PPM1J: variants seen among roughly 807,000 people sequenced by gnomAD.
The protein encoded by PPM1J is protein phosphatase 1J.
In PPM1J, 43 loss-of-function variants were observed where a neutral mutation model predicts 53.3. The ratio of observed to expected loss-of-function variants is 0.81; its 90% CI spans 0.63 to 1.04. PPM1J has a LOEUF of 1.04. Ranked by LOEUF, PPM1J falls within the 50% of genes least tolerant of loss-of-function variation. PPM1J has a pLI of 0.00. For missense variants in PPM1J, 635 were observed against 685.9 expected (o/e 0.93, Z 0.83); for synonymous variants, 267 against 286.4 (o/e 0.93, Z 0.68).
chr1:112,711,188 C>T (rs1385573443), intron 6 of PPM1J, 78 bp downstream of exon 6: 1 of 1,459,616 alleles, frequency 6.9e-7, no homozygotes, highest in African/African-American at 1.4e-5. Flanking sequence ...CTCCCAGCCT[C>T]CAGCTTCCAC....
At position 112,711,345 on chromosome 1, in the gene PPM1J, GGGTGAATTCACTGCCTA is replaced by G. The variant is rs1328075446; in HGVS notation, c.950_966del (p.Leu317ProfsTer3). 6.2e-7 allele frequency: 1 copy of G among 1,606,342 alleles called. No individual in the cohort carries two copies. Among genetic ancestry groups the G allele is most frequent in the South Asian group, 1.1e-5 (1 of 89,744 alleles). ...AGAACTCTGCGGGGGAACTCAAGGT[GGGTGAATTCACTGCCTA>G]GCAGCTCTGGTTTCAGGAAGCCCTG... On this transcript the variant is annotated frameshift_variant, in exon 6 of 10. Coordinates refer to ENST00000309276, the MANE Select transcript of PPM1J (RefSeq NM_005167.7). LOFTEE classifies it high-confidence loss of function.
intron 1 of PPM1J, among the ~76,000 whole-genome samples, chr1:112,713,861 C>T (rs1426873255): frequency 1.3e-5 from 2 of 151,766 alleles, no homozygotes; most frequent in East Asian, 3.9e-4. Context: ...ATGTCCCCTG[C>T]CTGCCTCACT....
At position 112,710,322 on chromosome 1, in the gene PPM1J, A is replaced by C; in HGVS notation, c.1371-12T>G. The C allele has an allele frequency of 6.2e-7, 1 of 1,613,016 alleles. No homozygotes were observed. The highest frequency in any genetic ancestry group is 8.5e-7 in the Non-Finnish European group (1 of 1,179,646). Reference sequence around the variant, plus strand: ...CCAGAGCTGTATACCTGCCAGGAGCACACATGCACATTCATGTACCAACAT... The same window carrying C: ...CCAGAGCTGTATACCTGCCAGGAGCCCACATGCACATTCATGTACCAACAT... On this transcript the variant is annotated splice_polypyrimidine_tract_variant and intron_variant, in intron 9 of 9. Transcript: ENST00000309276.
In PPM1J at chr1:112,711,958, G is replaced by T; in HGVS notation, c.927+13C>A. On this transcript the variant is annotated intron_variant, in intron 5 of 9. Coordinates refer to ENST00000309276, the MANE Select transcript of PPM1J (RefSeq NM_005167.7). ...GACAAAGAATGGGGGTAGGGAATTT[G>T]GTTCCTACTTACAAGCAGCTGAAGA... 1 of 1,586,738 alleles carries T rather than the reference G, an allele frequency of 6.3e-7. No homozygotes were observed. The highest frequency in any genetic ancestry group is 1.1e-5 in the South Asian group (1 of 88,782).
chr1:112,712,961 C>G lies in PPM1J; in HGVS notation c.512G>C (p.Arg171Pro), dbSNP rs775513026. ...CTCTCGGATATGGCGATGCAGGAGCCGTGAGGCCATTTCAGCAGCTCCGCC... is the reference window on the plus strand; with the variant it reads ...CTCTCGGATATGGCGATGCAGGAGCGGTGAGGCCATTTCAGCAGCTCCGCC... ...AGGGAAEMAS[R>P]LLHRHIREQL... Residue 171 changes from arginine to proline, a missense_variant, in exon 3 of 10, where the codon CGG (arginine) becomes CCG (proline). Physicochemically the swap from Arg to Pro is moderately radical, Grantham distance 103. Coordinates refer to ENST00000309276, the MANE Select transcript of PPM1J (RefSeq NM_005167.7). 1.6e-5 allele frequency: 26 copies of G among 1,613,632 alleles called. No homozygotes were observed. In the South Asian group the frequency reaches 2.1e-4, roughly 13 times the overall value.
rs563746541 is a variant in PPM1J at position 112,711,185 on chromosome 1, C to A, written c.1046+81G>T. The A allele has an allele frequency of 4.7e-5, 69 of 1,457,672 alleles. No homozygotes were observed. The African/African-American group carries it at 9.2e-4, about 19-fold the overall frequency. 90.3% of individuals were successfully genotyped at this position (1,457,672 alleles called of 1,614,324 possible). ...AGGGCCACATCCTCCCAACTCCCAG[C>A]CTCCAGCTTCCACCTTGCTGCGGGC... On this transcript the variant is annotated intron_variant, in intron 6 of 9. Coordinates refer to ENST00000309276, the MANE Select transcript of PPM1J (RefSeq NM_005167.7).
Position 112,715,070 on chromosome 1 carries a change from C to T in PPM1J, c.232G>A (p.Gly78Arg), listed in dbSNP as rs775024040. 46 of 1,550,516 alleles carry T rather than the reference C, an allele frequency of 3.0e-5. No individual in the cohort carries two copies. In the South Asian group the frequency reaches 4.6e-4, roughly 16 times the overall value. Residue 78 changes from glycine to arginine, a missense_variant, in exon 1 of 10, where the codon GGG (glycine) becomes AGG (arginine). By Grantham distance (125) the Gly-to-Arg change is moderately radical (BLOSUM62 -2). Transcript: ENST00000309276. This position sits in a 1 kb window ranked among gnomAD's most constrained non-coding sequence, Gnocchi z 4.4. ...TGGTCATCGGCGCGTCGCAGCCCCC[C>T]GGGGCTCAGCTGCAGAAAGGTCGGT... ...SRPTFLQLSP[G>R]GLRRADDHAG...
Position 112,715,101 on chromosome 1 carries a change from G to A in PPM1J, c.201C>T (p.Phe67=). The change falls in exon 1 of 10, where the codon TTC becomes TTT. Residue 67 remains phenylalanine (F), a synonymous_variant. Coordinates refer to ENST00000309276, the MANE Select transcript of PPM1J (RefSeq NM_005167.7). This position sits in a 1 kb window ranked among gnomAD's most constrained non-coding sequence, Gnocchi z 4.4. The part of the protein sequence containing the change: ...PAKAVEARAS[F]SRPTFLQLSP... ...TCAGCTGCAGAAAGGTCGGTCTGGA[G>A]AAGCTCGCTCGAGCCTCAACAGCCT... The A allele has an allele frequency of 1.3e-6, 2 of 1,562,050 alleles. No individual in the cohort carries two copies. The highest frequency in any genetic ancestry group is 1.7e-6 in the Non-Finnish European group (2 of 1,163,898).
Position 112,713,068 on chromosome 1 carries a change from G to A in PPM1J, c.442-37C>T, listed in dbSNP as rs200505912. On this transcript the variant is annotated intron_variant, in intron 2 of 9. Coordinates refer to ENST00000309276, the MANE Select transcript of PPM1J (RefSeq NM_005167.7). ...AAAGTTGGAGGTGAGTTTTGTTTGTGTGTGTGTGTGTGTGTGTGTGTGTGT... is the reference window on the plus strand; with the variant it reads ...AAAGTTGGAGGTGAGTTTTGTTTGTATGTGTGTGTGTGTGTGTGTGTGTGT... 3.2e-5 allele frequency: 35 copies of A among 1,087,652 alleles called. No individual in the cohort carries two copies. In the African/African-American group the frequency reaches 5.7e-4, roughly 18 times the overall value. 67.4% of individuals were successfully genotyped at this position (1,087,652 alleles called of 1,614,324 possible). A position where few individuals can be genotyped will look rare whatever the true frequency, so the allele number is the denominator to read the frequency against.
chr1:112,712,893 GTGGCGAAGGGT>G lies in PPM1J; in HGVS notation c.569_579del (p.Asp190AlafsTer44), dbSNP rs768139409. Reference sequence around the variant, plus strand: ...GGAGTGGTTGGGAGGCAGAGGGGTGGTGGCGAAGGGTCCTGAAGTATCTCTACCAGGTCCTT... The same window carrying G: ...GGAGTGGTTGGGAGGCAGAGGGGTGGCCTGAAGTATCTCTACCAGGTCCTT... On this transcript the variant is annotated frameshift_variant, in exon 3 of 10. Transcript: ENST00000309276. LOFTEE classifies it high-confidence loss of function. 1 of 1,614,032 alleles carries G rather than the reference GTGGCGAAGGGT, an allele frequency of 6.2e-7. No individual in the cohort carries two copies. Among genetic ancestry groups the G allele is most frequent in the South Asian group, 1.1e-5 (1 of 91,072 alleles).
At chr1:112,710,924 C>T (rs1675041082) in intron 7 of PPM1J, 73 bp from the exon 8 acceptor site, 3 of 1,586,768 alleles carry the variant, frequency 1.9e-6, no homozygotes, top group African/African-American at 1.3e-5. Flanking sequence ...CCCTTCCACC[C>T]CTACCCTCAG....
chr1:112,712,059 C>A lies in PPM1J; in HGVS notation c.843-4G>T. The A allele has an allele frequency of 6.2e-7, 1 of 1,604,496 alleles. No homozygotes were observed. On this transcript the variant is annotated splice_region_variant and splice_polypyrimidine_tract_variant and intron_variant, in intron 4 of 9. Transcript: ENST00000309276. ...ACCATTCCGGACAATGATGGCCCTG[C>A]CCAAAGAAAGAAAAGGAATTGGGAC...
Position 112,710,734 on chromosome 1 carries a change from AG to A in PPM1J, c.1218+9del. On this transcript the variant is annotated intron_variant, in intron 8 of 9. Coordinates refer to ENST00000309276, the MANE Select transcript of PPM1J (RefSeq NM_005167.7). The stretch of plus-strand genomic sequence containing the variant: ...CCCAGAGAAGGCAAGGTGTGGTTTA[AG>A]GGGCTCACCTCAGGGAAGCAGGAGA... 1.9e-6 allele frequency: 3 copies of A among 1,613,598 alleles called. No homozygotes were observed. Among genetic ancestry groups the A allele is most frequent in the Non-Finnish European group, 2.5e-6 (3 of 1,179,522 alleles).
chr1:112,711,305 C>T lies in PPM1J; in HGVS notation c.1007G>A (p.Gly336Glu), dbSNP rs1257540905. The T allele has an allele frequency of 6.2e-7, 1 of 1,607,884 alleles. No homozygotes were observed. The highest frequency in any genetic ancestry group is 1.3e-5 in the African/African-American group (1 of 74,808). The change falls in exon 6 of 10, where the codon GGG (glycine) becomes GAG (glutamate). Residue 336 changes from glycine to glutamate, a missense_variant. Physicochemically the swap from Gly to Glu is moderately conservative, Grantham distance 98 (BLOSUM62 -2). Coordinates refer to ENST00000309276, the MANE Select transcript of PPM1J (RefSeq NM_005167.7). ...FPRRVLPKEL[G>E]QRMLYRDQNM... ...CTGGTCCCGGTACAACATCCTCTGC[C>T]CCAGCTCCTTGGGCAGAACTCTGCG...
At chr1:112,712,250 C>T in intron 4 of PPM1J, 95 bp downstream of exon 4, 2 of 1,116,110 alleles carry the variant, frequency 1.8e-6, no homozygotes. Context: ...TCCCTCCAAT[C>T]TTGATTTTTA....
intron 6 of PPM1J, 43 bp downstream of exon 6, chr1:112,711,223 G>T (rs573079212): frequency 4.0e-6 from 6 of 1,517,662 alleles, no homozygotes; most frequent in Admixed American, 3.4e-5. Flanking sequence ...GGGACTGGTT[G>T]TGTTGCCATG....
Position 112,714,544 on chromosome 1 carries a change from C to A in PPM1J, c.326+432G>T, listed in dbSNP as rs187194633. The A allele has an allele frequency of 7.2e-5, 72 of 996,210 alleles. No homozygotes were observed. The East Asian group carries it at 7.2e-3, about 100-fold the overall frequency. The allele number at this position is 996,210 out of a possible 1,614,324, so 61.7% of individuals were successfully genotyped here. A position where few individuals can be genotyped will look rare whatever the true frequency, so the allele number is the denominator to read the frequency against. On this transcript the variant is annotated intron_variant, in intron 1 of 9. Coordinates refer to ENST00000309276, the MANE Select transcript of PPM1J (RefSeq NM_005167.7). ...CGGTAAGAGGGACAGGGAACTGGGG[C>A]GCTGGAGCCGGGAAGCGGGTGAGCG... is the stretch of plus-strand genomic sequence containing the variant.
intron 1 of PPM1J, 91 bp downstream of exon 1, chr1:112,714,885 G>T: frequency 7.6e-7 from 1 of 1,318,388 alleles, no homozygotes. Flanking sequence ...CCCGGACGCG[G>T]CGTGGGGAAC....
intron 1 of PPM1J, chr1:112,714,537 A>C: frequency 1.0e-6 from 1 of 992,582 alleles, no homozygotes; most frequent in Non-Finnish European, 1.2e-6. Flanking sequence ...GGGACAGGGA[A>C]CTGGGGCGCT....
Sources: gnomAD v4.1 joint callset for allele counts (sites outside exome capture counted in the v4.1 genomes callset) on GRCh38, gnomAD v4.1.1 for gene constraint, Gnocchi (gnomAD v3.1) non-coding constraint, MANE v1.5 for transcripts, NCBI Gene and HGNC (gene_info 2026-07-23, HGNC 2026-07-21) for gene names.